Variants in OSTC observed in about 807,000 individuals in gnomAD.
OSTC encodes the protein oligosaccharyltransferase complex non-catalytic subunit, also known as oligosaccharyltransferase complex subunit OSTC.
OSTC carries 16 observed loss-of-function variants against 16.4 expected under a neutral mutation model. That is an observed-to-expected ratio of 0.98 (90% CI 0.66 to 1.49). OSTC has a LOEUF of 1.49. Among genes scored for constraint, OSTC ranks in the 40% most tolerant of loss-of-function variants. OSTC has a pLI of 0.00. For missense variants in OSTC, 139 were observed against 186.3 expected (o/e 0.75, Z 1.48); for synonymous variants, 67 against 68.5 (o/e 0.98, Z 0.11).
At position 108,650,640 on chromosome 4, in the gene OSTC, C is replaced by G. The variant is rs541286852; in HGVS notation, c.-16C>G. The G allele has an allele frequency of 2.2e-5, 35 of 1,613,748 alleles. 1 individual carries two copies. The highest frequency in any genetic ancestry group is 1.6e-4 in the South Asian group (15 of 91,076). ...CGTGGGGCTTGAGGCCGAGAACGGCCCTTGCTGCCACCAACATGGAGACTT... is the reference window on the plus strand; with the variant it reads ...CGTGGGGCTTGAGGCCGAGAACGGCGCTTGCTGCCACCAACATGGAGACTT... On this transcript the variant is annotated 5_prime_UTR_variant, in exon 1 of 4. Coordinates refer to ENST00000361564, the MANE Select transcript of OSTC (RefSeq NM_021227.4).
At chr4:108,664,611 G>A (rs1268681727) in intron 3 of OSTC, among the ~76,000 whole-genome samples, 4 of 148,100 alleles carry the variant, frequency 2.7e-5, no homozygotes, top group South Asian at 4.3e-4. Context: ...TTTTTTTTGT[G>A]GGGGACGGAG....
At chr4:108,652,054 C>T (rs1372909204) in intron 1 of OSTC, 2 of 152,134 alleles carry the variant, frequency 1.3e-5, no homozygotes, top group African/African-American at 4.8e-5. Context: ...TTAATAGCTA[C>T]TGTACTGAAT....
intron 3 of OSTC, among the ~76,000 whole-genome samples, chr4:108,658,902 G>A (rs1477499750): frequency 6.6e-6 from 1 of 151,160 alleles, no homozygotes; most frequent in East Asian, 1.9e-4. Context: ...GGGAGGGAAA[G>A]CATGGAGTTC....
At chr4:108,659,272 G>A (rs1402398327) in intron 3 of OSTC, among the ~76,000 whole-genome samples, 1 of 151,946 alleles carries the variant, frequency 6.6e-6, no homozygotes, top group African/African-American at 2.4e-5. Context: ...GAGCCACTGT[G>A]CCCGGCCAGC....
Position 108,657,917 on chromosome 4 carries a change from CTTTTTTTTTTTTTTTTT to C in OSTC, c.431+284_431+300del, listed in dbSNP as rs70949037. Among the ~76,000 whole-genome samples, 208 of 67,216 alleles carry C rather than the reference CTTTTTTTTTTTTTTTTT, an allele frequency of 3.1e-3. 1 individual carries two copies. The highest frequency in any genetic ancestry group is 0.012 in the African/African-American group (197 of 16,278). 44.1% of individuals were successfully genotyped at this position (67,216 alleles called of 152,430 possible). On this transcript the variant is annotated intron_variant, in intron 3 of 3. Transcript: ENST00000361564. Reference sequence around the variant, plus strand: ...CAATGACTGAAGATAGTCATTGTTTCTTTTTTTTTTTTTTTTTTTTTTTTTTTTTTGAGACGGAGTTT... The same window carrying C: ...CAATGACTGAAGATAGTCATTGTTTCTTTTTTTTTTTTTGAGACGGAGTTT...
intron 1 of OSTC, 148 bp downstream of exon 1, chr4:108,650,942 G>C (rs1295539244): frequency 8.5e-7 from 1 of 1,179,036 alleles, no homozygotes; most frequent in Non-Finnish European, 1.2e-6. Context: ...TCTGGGGTCC[G>C]AAGTGTTAAC....
chr4:108,659,206 G>A (rs1189350771), intron 3 of OSTC, among the ~76,000 whole-genome samples: 1 of 149,614 alleles, frequency 6.7e-6, no homozygotes, highest in South Asian at 2.1e-4. Flanking sequence ...GTTCTGGAAC[G>A]CTTGACTTCA....
At chr4:108,665,258 A>G (rs1578343681) in intron 3 of OSTC, among the ~76,000 whole-genome samples, 1 of 152,194 alleles carries the variant, frequency 6.6e-6, no homozygotes, top group Non-Finnish European at 1.5e-5. Flanking sequence ...TGTGAAGTGC[A>G]TGTAACTACG....
chr4:108,655,314 A>G (rs1463682227), intron 1 of OSTC, among the ~76,000 whole-genome samples: 1 of 152,074 alleles, frequency 6.6e-6, no homozygotes, highest in Non-Finnish European at 1.5e-5. Context: ...AAAAATACAA[A>G]AATTAGCTGG....
At position 108,656,882 on chromosome 4, in the gene OSTC, G is replaced by A. The variant is rs561464437; in HGVS notation, c.234-568G>A. ...TGGGAGGCCGAGATGGGCGGATCAC[G>A]AGGTCAGGAGATTGGGACTATCCTG... On this transcript the variant is annotated intron_variant, in intron 2 of 3. Transcript: ENST00000361564. Among the ~76,000 whole-genome samples, 687 of 152,172 alleles carry A rather than the reference G, an allele frequency of 4.5e-3. 4 individuals carry two copies. The highest frequency in any genetic ancestry group is 0.044 in the Middle Eastern group (13 of 294).
intron 3 of OSTC, among the ~76,000 whole-genome samples, chr4:108,663,730 A>T (rs1162855094): frequency 6.6e-6 from 1 of 152,246 alleles, no homozygotes; most frequent in Non-Finnish European, 1.5e-5. Flanking sequence ...TGCAAGGGTT[A>T]AATGCAATAA....
intron 1 of OSTC, among the ~76,000 whole-genome samples, chr4:108,653,999 G>T (rs1423425950): frequency 6.6e-6 from 1 of 152,100 alleles, no homozygotes; most frequent in East Asian, 1.9e-4. Flanking sequence ...CCAACATTTA[G>T]TTCTTTTATA....
intron 1 of OSTC, among the ~76,000 whole-genome samples, chr4:108,653,259 T>A (rs1253367391): frequency 6.6e-6 from 1 of 152,096 alleles, no homozygotes; most frequent in African/African-American, 2.4e-5. Flanking sequence ...ACAATGGTTA[T>A]AAATACAGTG....
intron 1 of OSTC, chr4:108,651,011 T>A: frequency 1.7e-6 from 1 of 591,360 alleles, no homozygotes; most frequent in Non-Finnish European, 2.8e-6. Context: ...TCACTCCCAT[T>A]GCCTTTCTTC....
chr4:108,650,884 G>A (rs1379572144), intron 1 of OSTC, 90 bp downstream of exon 1: 1 of 1,575,112 alleles, frequency 6.3e-7, no homozygotes, highest in Non-Finnish European at 8.6e-7. Context: ...CTCAGCCCCG[G>A]GGGAAGCATA....
At chr4:108,654,894 A>G (rs1323342291) in intron 1 of OSTC, among the ~76,000 whole-genome samples, 2 of 152,196 alleles carry the variant, frequency 1.3e-5, no homozygotes, top group African/African-American at 4.8e-5. Context: ...TTATTTTTCA[A>G]TTTATAGAAA....
chr4:108,658,092 C>T (rs1465490359), intron 3 of OSTC, among the ~76,000 whole-genome samples: 1 of 151,838 alleles, frequency 6.6e-6, no homozygotes, highest in African/African-American at 2.4e-5. Flanking sequence ...CCACAGCACT[C>T]AGCTATTTTT....
At chr4:108,662,352 G>C (rs1220675378) in intron 3 of OSTC, among the ~76,000 whole-genome samples, 2 of 152,178 alleles carry the variant, frequency 1.3e-5, no homozygotes, top group Non-Finnish European at 2.9e-5. Context: ...ATTTTCGACA[G>C]ACCCTCTTTC....
intron 3 of OSTC, 57 bp downstream of exon 3, chr4:108,657,704 G>A: frequency 6.9e-7 from 1 of 1,439,900 alleles, no homozygotes; most frequent in Middle Eastern, 1.8e-4. Context: ...TGATTACCTG[G>A]AAAATGTAAA....
Sources: allele counts gnomAD v4.1 joint callset (sites outside exome capture counted in the v4.1 genomes callset), GRCh38; gene constraint gnomAD v4.1.1; transcripts MANE v1.5; gene names NCBI Gene and HGNC (gene_info 2026-07-23, HGNC 2026-07-21).